Variants in FAP observed in about 807,000 individuals in gnomAD.
The protein encoded by FAP is prolyl endopeptidase FAP.
Under a neutral mutation model 126.5 loss-of-function variants are expected in FAP, and 110 were observed. The observed-to-expected ratio is 0.87, with a 90% CI of 0.74 to 1.02. FAP has a LOEUF of 1.02. Ranked by LOEUF, FAP falls within the 50% of genes least tolerant of loss-of-function variation. FAP has a pLI of 0.00. For synonymous variants in FAP, 334 were observed against 297.3 expected, an observed-to-expected ratio of 1.12 and a Z score of -1.27; for missense variants, 919 against 909.2, an observed-to-expected ratio of 1.01 and a Z score of -0.14.
At position 162,243,314 on chromosome 2, in the gene FAP, A is replaced by T. The variant is rs769371007; in HGVS notation, c.6+8T>A. ...TTTTTAAGAATACTTGAGGTTGCTT[A>T]TACTAACCTTCATTTTTCCAGATGT... On this transcript the variant is annotated splice_region_variant and intron_variant, in intron 1 of 25. Coordinates refer to ENST00000188790, the MANE Select transcript of FAP (RefSeq NM_004460.5). 3.7e-6 allele frequency: 6 copies of T among 1,605,012 alleles called. No individual in the cohort carries two copies. The highest frequency in any genetic ancestry group is 5.1e-6 in the Non-Finnish European group (6 of 1,173,102).
intron 20 of FAP, 162 bp from the exon 21 acceptor site, chr2:162,183,630 T>C (rs1240725981): frequency 6.9e-6 from 4 of 579,844 alleles, no homozygotes; most frequent in South Asian, 6.6e-5. Context: ...TAAAATAATA[T>C]TATCATGTTT....
chr2:162,214,170 T>C, intron 10 of FAP, 97 bp from the exon 11 acceptor site: 4 of 1,096,348 alleles, frequency 3.6e-6, no homozygotes, highest in Admixed American at 2.4e-5. Context: ...TATGTCATTA[T>C]TATACATTAC....
chr2:162,192,463 T>C (rs1448277847), intron 17 of FAP, among the ~76,000 whole-genome samples: 1 of 152,050 alleles, frequency 6.6e-6, no homozygotes, highest in African/African-American at 2.4e-5. Context: ...TCCAGGCTCA[T>C]TTTTCTCCTT....
intron 2 of FAP, among the ~76,000 whole-genome samples, chr2:162,233,604 A>G (rs1328306367): frequency 6.6e-6 from 1 of 152,074 alleles, no homozygotes; most frequent in Non-Finnish European, 1.5e-5. Context: ...AATTCTTTGT[A>G]TATTCTAGAT....
At chr2:162,232,748 G>T (rs1689949489) in intron 2 of FAP, among the ~76,000 whole-genome samples, 1 of 152,126 alleles carries the variant, frequency 6.6e-6, no homozygotes, top group Non-Finnish European at 1.5e-5. Context: ...TTATTGTTAT[G>T]TTATATTATT....
chr2:162,189,811 T>C (rs1245202414), intron 17 of FAP, 57 bp from the exon 18 acceptor site: 1 of 981,668 alleles, frequency 1.0e-6, no homozygotes, highest in Non-Finnish European at 1.5e-6. Context: ...ACAATTTTTT[T>C]CCTTAAAATT....
chr2:162,173,806 T>C lies in FAP; in HGVS notation c.1970-19A>G, dbSNP rs770110603. On this transcript the variant is annotated intron_variant, in intron 22 of 25. Coordinates refer to ENST00000188790, the MANE Select transcript of FAP (RefSeq NM_004460.5). ...ACAGACGCTATAAAATATATGAGAA[T>C]ATGCATTGTTTGCATGTGATGAATG... 2 of 1,493,592 alleles carry C rather than the reference T, an allele frequency of 1.3e-6. No homozygotes were observed. Among genetic ancestry groups the C allele is most frequent in the East Asian group, 2.3e-5 (1 of 44,256 alleles). The allele number at this position is 1,493,592 out of a possible 1,614,324, so 92.5% of individuals were successfully genotyped here. A position where few individuals can be genotyped will look rare whatever the true frequency, so the allele number is the denominator to read the frequency against.
chr2:162,200,578 C>T lies in FAP; in HGVS notation c.1265G>A (p.Arg422Lys). 6.8e-7 allele frequency: 1 copy of T among 1,478,508 alleles called. No homozygotes were observed. Among genetic ancestry groups the T allele is most frequent in the South Asian group, 1.2e-5 (1 of 81,730 alleles). 91.6% of individuals were successfully genotyped at this position (1,478,508 alleles called of 1,614,324 possible). Reference sequence around the variant, plus strand: ...GGACATAAATTACCTGTAGATGTTTCTTCTTCCAGGGTATTCTTCAAATTC... The same window carrying T: ...GGACATAAATTACCTGTAGATGTTTTTTCTTCCAGGGTATTCTTCAAATTC... Reference protein sequence around the residue: ...SNEFEEYPGRRNIYRISIGSY... With the variant: ...SNEFEEYPGRKNIYRISIGSY... The change falls in exon 15 of 26, where the codon AGA becomes AAA. Residue 422 changes from arginine to lysine, a missense_variant. Transcript: ENST00000188790.
At chr2:162,222,288 T>C (rs183762391) in intron 6 of FAP, among the ~76,000 whole-genome samples, 1 of 152,254 alleles carries the variant, frequency 6.6e-6, no homozygotes, top group East Asian at 1.9e-4. Context: ...CCAAGCTCAT[T>C]TGCATCTCAT....
At chr2:162,226,479 C>G in intron 3 of FAP, 44 bp downstream of exon 3, 1 of 1,065,324 alleles carries the variant, frequency 9.4e-7, no homozygotes, top group Non-Finnish European at 1.4e-6. Flanking sequence ...AAAAACCAAA[C>G]AAAATACATA....
intron 12 of FAP, chr2:162,209,575 G>A (rs1432297794): frequency 6.0e-6 from 1 of 166,556 alleles, no homozygotes; most frequent in African/African-American, 2.4e-5. Flanking sequence ...GATACCCAAT[G>A]TATTTTTTTT....
At chr2:162,178,384 G>A (rs2106215929) in intron 21 of FAP, among the ~76,000 whole-genome samples, 1 of 152,276 alleles carries the variant, frequency 6.6e-6, no homozygotes, top group Non-Finnish European at 1.5e-5. Context: ...GTTTGGGATG[G>A]ATAATTCTTT....
intron 6 of FAP, among the ~76,000 whole-genome samples, chr2:162,220,737 G>C (rs1689354067): frequency 6.6e-6 from 1 of 152,188 alleles, no homozygotes; most frequent in Non-Finnish European, 1.5e-5. Flanking sequence ...GCATTGTGGA[G>C]CTTTTGTAGT....
At chr2:162,198,172 T>G in intron 16 of FAP, 1 of 1,286,980 alleles carries the variant, frequency 7.8e-7, no homozygotes, top group Non-Finnish European at 1.0e-6. Context: ...TTTGATGCAT[T>G]ACTTACGATG....
chr2:162,237,979 G>A (rs1338350629), intron 2 of FAP, among the ~76,000 whole-genome samples: 2 of 151,650 alleles, frequency 1.3e-5, no homozygotes, highest in Non-Finnish European at 2.9e-5. Context: ...TAAGTTTGTT[G>A]GTTGCATAAA....
At position 162,202,962 on chromosome 2, in the gene FAP, A is replaced by G. The variant is rs2106248237; in HGVS notation, c.1153-20T>C. The G allele has an allele frequency of 1.2e-6, 2 of 1,609,930 alleles. No individual in the cohort carries two copies. The highest frequency in any genetic ancestry group is 4.5e-5 in the East Asian group (2 of 44,838). On this transcript the variant is annotated intron_variant, in intron 13 of 25. Coordinates refer to ENST00000188790, the MANE Select transcript of FAP (RefSeq NM_004460.5). ...ATTTTCCTATAAAAAGACAAACATTATGTTGTGTGAAACTGAGCGTTATTT... is the reference window on the plus strand; with the variant it reads ...ATTTTCCTATAAAAAGACAAACATTGTGTTGTGTGAAACTGAGCGTTATTT...
chr2:162,171,131 T>A, intron 25 of FAP, 51 bp from the exon 26 acceptor site: 2 of 1,467,656 alleles, frequency 1.4e-6, no homozygotes, highest in South Asian at 1.2e-5. Flanking sequence ...ATCAAATGCA[T>A]TTAGCTTGGA....
chr2:162,221,017 A>T (rs766334101), intron 6 of FAP, among the ~76,000 whole-genome samples: 1 of 152,152 alleles, frequency 6.6e-6, no homozygotes, highest in Non-Finnish European at 1.5e-5. Context: ...TATTTGGGCA[A>T]TTGTGAAGAT....
chr2:162,228,021 T>C (rs766310478), intron 2 of FAP, among the ~76,000 whole-genome samples: 9 of 152,158 alleles, frequency 5.9e-5, no homozygotes, highest in Non-Finnish European at 1.3e-4. Context: ...GATTACTGTT[T>C]TCCCACCTCC....
Sources: allele counts gnomAD v4.1 joint callset (sites outside exome capture counted in the v4.1 genomes callset), GRCh38; gene constraint gnomAD v4.1.1; transcripts MANE v1.5; gene names NCBI Gene and HGNC (gene_info 2026-07-23, HGNC 2026-07-21).